The following GSE1 variants were observed in gnomAD, a reference collection of about 807,000 sequenced individuals.
The protein encoded by GSE1 is genetic suppressor element 1.
In GSE1, 32 loss-of-function variants were observed where a neutral mutation model predicts 112.6. The ratio of observed to expected loss-of-function variants is 0.28; its 90% CI spans 0.21 to 0.38. The LOEUF is 0.38. GSE1 is among the 10% of genes least tolerant of loss of function. GSE1 has a pLI of 1.00. For synonymous variants in GSE1, 1,115 were observed against 735.6 expected (o/e 1.52, Z -8.35); for missense variants, 2,348 against 1,699.2 (o/e 1.38, Z -6.71).
chr16:85,555,220 C>T, upstream of GSE1: 1 of 985,384 alleles, frequency 1.0e-6, no homozygotes, highest in Non-Finnish European at 1.2e-6. Context: ...GATAATGATT[C>T]TTGCATGAAA....
intron 2 of GSE1, among the ~76,000 whole-genome samples, chr16:85,380,840 C>G (rs2047530412): frequency 6.6e-6 from 1 of 152,308 alleles, no homozygotes; most frequent in East Asian, 1.9e-4. Context: ...CGTCCTTCTC[C>G]CTGGTCTTTG....
At chr16:85,544,046 G>C (rs1460770682) in intron 2 of GSE1, among the ~76,000 whole-genome samples, 4 of 152,152 alleles carry the variant, frequency 2.6e-5, no homozygotes, top group Non-Finnish European at 5.9e-5. Flanking sequence ...CATTGCTCAG[G>C]CTGATGTCGA....
chr16:85,512,228 G>A (rs8057435), intron 2 of GSE1, among the ~76,000 whole-genome samples: 2,277 of 152,264 alleles, frequency 0.015, 66 homozygotes, highest in African/African-American at 0.051. Flanking sequence ...CCCCCTCAAC[G>A]CCAAGCCTGG....
At chr16:85,210,997 C>G (rs1036902293) in intron 1 of GSE1, among the ~76,000 whole-genome samples, 1 of 152,242 alleles carries the variant, frequency 6.6e-6, no homozygotes, top group African/African-American at 2.4e-5. Flanking sequence ...CTCCTTTTCA[C>G]AGGTGAGGAC....
At chr16:85,463,725 C>G (rs2050044799) in intron 2 of GSE1, among the ~76,000 whole-genome samples, 1 of 152,160 alleles carries the variant, frequency 6.6e-6, no homozygotes, top group South Asian at 2.1e-4. Context: ...ATCACTGGCA[C>G]AGTTAGGCAG....
At chr16:85,594,509 T>G (rs2047139405) in intron 1 of GSE1, 1 of 152,210 alleles carries the variant, frequency 6.6e-6, no homozygotes, top group Non-Finnish European at 1.5e-5. Context: ...TTTCAAATTG[T>G]CCTTCCTTCA....
rs565391172 is a variant in GSE1, at chr16:85,231,512, A to C, written c.2283+59705A>C. 3.9e-5 allele frequency among the ~76,000 whole-genome samples: 6 copies of C among 152,338 alleles called. No homozygotes were observed. In the East Asian group the frequency reaches 9.6e-4, roughly 24 times the overall value. On this transcript the variant is annotated intron_variant, in intron 1 of 2. Transcript: ENST00000637419. The stretch of plus-strand genomic sequence containing the variant: ...GATGGACGGAGGGATGGATAGAAAG[A>C]TGGATGGCTGAATGAGCAGATGGTT...
At position 85,663,083 on chromosome 16, in the gene GSE1, C is replaced by T. The variant is rs201947530; in HGVS notation, c.2363C>T (p.Thr788Met). Residue 788 changes from threonine (T) to methionine (M), a missense_variant, in exon 10 of 16, where the codon ACG becomes ATG. Thr to Met is a moderately conservative substitution (Grantham distance 81, BLOSUM62 -1). Coordinates refer to ENST00000253458, the MANE Select transcript of GSE1 (RefSeq NM_014615.5). ...GAGCAGCCGCCCCTCAAACTGGACACGTCCTCTGAGGTACTGGGCTCTCCT... is the reference window on the plus strand; with the variant it reads ...GAGCAGCCGCCCCTCAAACTGGACATGTCCTCTGAGGTACTGGGCTCTCCT... ...VAEQPPLKLD[T>M]SSEKLEFLQL... The T allele has an allele frequency of 1.5e-5, 24 of 1,605,676 alleles. No individual in the cohort carries two copies. The highest frequency in any genetic ancestry group is 6.7e-5 in the African/African-American group (5 of 74,760).
upstream of GSE1, among the ~76,000 whole-genome samples, chr16:85,610,728 C>T (rs2047932640): frequency 1.3e-5 from 2 of 152,312 alleles, no homozygotes; most frequent in South Asian, 2.1e-4. Flanking sequence ...CTCCCCTAGG[C>T]CTACTGGGTT....
chr16:85,385,184 G>T (rs930338353), intron 2 of GSE1, among the ~76,000 whole-genome samples: 28 of 152,240 alleles, frequency 1.8e-4, no homozygotes, highest in African/African-American at 6.5e-4. Flanking sequence ...CAGGGCACCC[G>T]CAGCAGGTGT....
intron 2 of GSE1, among the ~76,000 whole-genome samples, chr16:85,472,318 TGG>T (rs34560170): frequency 6.6e-6 from 1 of 152,182 alleles, no homozygotes; most frequent in African/African-American, 2.4e-5. Context: ...TCTGGAGGCC[TGG>T]GGGGAGGAAG....
At chr16:85,343,585 C>A (rs1358228807) in intron 1 of GSE1, among the ~76,000 whole-genome samples, 2 of 151,978 alleles carry the variant, frequency 1.3e-5, no homozygotes, top group Non-Finnish European at 2.9e-5. Flanking sequence ...CCCATCTCTA[C>A]AAAAAATAAA....
chr16:85,277,314 G>A (rs912585454), intron 1 of GSE1, among the ~76,000 whole-genome samples: 1 of 152,290 alleles, frequency 6.6e-6, no homozygotes, highest in Admixed American at 6.5e-5. Flanking sequence ...GCATGTGAGA[G>A]TTGGGGTGCC....
chr16:85,307,927 C>A (rs2045725976), intron 1 of GSE1, among the ~76,000 whole-genome samples: 2 of 152,166 alleles, frequency 1.3e-5, no homozygotes, highest in Admixed American at 6.5e-5. Context: ...TCACTGTACA[C>A]CAGTACTTGG....
At chr16:85,441,395 C>T (rs931027450) in intron 2 of GSE1, among the ~76,000 whole-genome samples, 1 of 152,328 alleles carries the variant, frequency 6.6e-6, no homozygotes, top group East Asian at 1.9e-4. Flanking sequence ...TGGCTCACGC[C>T]TGCGGTCCCA....
At chr16:85,656,738 C>G (rs921381261) in intron 7 of GSE1, 73 bp downstream of exon 7, 2 of 1,435,588 alleles carry the variant, frequency 1.4e-6, no homozygotes, top group Admixed American at 2.8e-5. Context: ...AATCGCAGCA[C>G]CTGCCGGTTG....
chr16:85,650,490 C>G (rs1006237736), intron 3 of GSE1, among the ~76,000 whole-genome samples: 2 of 152,222 alleles, frequency 1.3e-5, no homozygotes, highest in African/African-American at 2.4e-5. Flanking sequence ...AGCTCCTGGC[C>G]TAGACCCAGG....
At chr16:85,295,208 G>A (rs1186407347) in intron 1 of GSE1, among the ~76,000 whole-genome samples, 2 of 152,152 alleles carry the variant, frequency 1.3e-5, no homozygotes, top group Admixed American at 1.3e-4. Context: ...CAGGGCCTCC[G>A]CACACACCGG....
intron 2 of GSE1, among the ~76,000 whole-genome samples, chr16:85,371,130 C>T (rs540884632): frequency 6.6e-6 from 1 of 152,240 alleles, no homozygotes; most frequent in African/African-American, 2.4e-5. Flanking sequence ...CTCCGCCCCC[C>T]TCGTTCCTTC....
Sources: gnomAD v4.1 joint callset for allele counts (sites outside exome capture counted in the v4.1 genomes callset) on GRCh38, gnomAD v4.1.1 for gene constraint, MANE v1.5 for transcripts, NCBI Gene and HGNC (gene_info 2026-07-23, HGNC 2026-07-21) for gene names.